Variants in COMMD10 observed in about 807,000 individuals in gnomAD.
COMMD10 encodes COMM domain containing 10, also known as COMM domain-containing protein 10.
In COMMD10, 33 loss-of-function variants were observed where a neutral mutation model predicts 28.9. The ratio of observed to expected loss-of-function variants is 1.14; its 90% CI spans 0.87 to 1.53. The LOEUF is 1.53. Ranked by LOEUF, COMMD10 falls within the 40% of genes most tolerant of loss-of-function variation. The probability of loss-of-function intolerance (pLI) is 0.00; values close to 1 mark genes in which losing one functional copy is unlikely to be tolerated. For missense variants in COMMD10, 310 were observed against 233.4 expected (o/e 1.33, Z -2.14); for synonymous variants, 110 against 81.7 (o/e 1.35, Z -1.87).
chr5:116,173,025 A>G (rs1254024675), intron 5 of COMMD10, among the ~76,000 whole-genome samples: 1 of 152,200 alleles, frequency 6.6e-6, no homozygotes, highest in Non-Finnish European at 1.5e-5. Flanking sequence ...TGAGATTCAT[A>G]ATAATGTAAA....
intron 5 of COMMD10, among the ~76,000 whole-genome samples, chr5:116,238,062 CA>C (rs1228316468): frequency 6.6e-6 from 1 of 152,014 alleles, no homozygotes; most frequent in Non-Finnish European, 1.5e-5. Flanking sequence ...TCATGTTGCA[CA>C]AAAAACAAGG....
intron 5 of COMMD10, among the ~76,000 whole-genome samples, chr5:116,287,814 C>G (rs1338918830): frequency 6.6e-6 from 1 of 151,678 alleles, no homozygotes; most frequent in Non-Finnish European, 1.5e-5. Flanking sequence ...TGATAACAAC[C>G]TAACTCTAAT....
At chr5:116,165,265 C>T (rs938080349) in intron 5 of COMMD10, among the ~76,000 whole-genome samples, 85 of 152,262 alleles carry the variant, frequency 5.6e-4, no homozygotes, top group African/African-American at 1.9e-3. Context: ...TAATCGAGTT[C>T]TCCTGGCTTT....
intron 4 of COMMD10, among the ~76,000 whole-genome samples, chr5:116,116,173 T>TA (rs1481844466): frequency 1.3e-5 from 2 of 152,170 alleles, no homozygotes; most frequent in East Asian, 1.9e-4. Flanking sequence ...CCTATAACAT[T>TA]AAAAAAATCC....
chr5:116,218,507 A>G (rs1028965984), intron 5 of COMMD10, among the ~76,000 whole-genome samples: 3 of 152,238 alleles, frequency 2.0e-5, no homozygotes, highest in East Asian at 1.9e-4. Flanking sequence ...TCCTCACACA[A>G]TTTCTAAGGA....
intron 5 of COMMD10, among the ~76,000 whole-genome samples, chr5:116,190,523 C>T (rs1286751682): frequency 1.3e-5 from 2 of 152,170 alleles, no homozygotes; most frequent in Non-Finnish European, 2.9e-5. Flanking sequence ...GTTTCAGTTC[C>T]ATAACCCATT....
In COMMD10 at chr5:116,225,353, G is replaced by GTTTTTTTTT. The variant is rs143964154; in HGVS notation, c.511-66164_511-66163insTTTTTTTTT. On this transcript the variant is annotated intron_variant, in intron 5 of 6. Coordinates refer to ENST00000274458, the MANE Select transcript of COMMD10 (RefSeq NM_016144.4). ...AGACTTTCCTGTTTGTTTTTTTGGG[G>GTTTTTTTTT]ATTTTTTTTTTTTTTTTTGCATATG... is the stretch of plus-strand genomic sequence containing the variant. Among the ~76,000 whole-genome samples, 4 of 116,512 alleles carry GTTTTTTTTT rather than the reference G, an allele frequency of 3.4e-5. 2 individuals are homozygous for GTTTTTTTTT. 76.4% of individuals were successfully genotyped at this position (116,512 alleles called of 152,430 possible). A position where few individuals can be genotyped will look rare whatever the true frequency, so the allele number is the denominator to read the frequency against.
intron 5 of COMMD10, among the ~76,000 whole-genome samples, chr5:116,269,754 G>A (rs150881089): frequency 1.3e-5 from 2 of 151,892 alleles, no homozygotes; most frequent in East Asian, 1.9e-4. Flanking sequence ...GGTTGCTGAG[G>A]TTGTAAGCCA....
intron 5 of COMMD10, among the ~76,000 whole-genome samples, chr5:116,214,278 A>T (rs1274321214): frequency 1.3e-5 from 2 of 150,894 alleles, no homozygotes; most frequent in Admixed American, 6.6e-5. Context: ...TAAAGTAGAC[A>T]GTAATTTCAC....
chr5:116,269,585 A>C (rs1478076103), intron 5 of COMMD10, among the ~76,000 whole-genome samples: 4 of 151,810 alleles, frequency 2.6e-5, no homozygotes, highest in African/African-American at 9.7e-5. Flanking sequence ...TATTACATTT[A>C]TAAAATTATA....
intron 4 of COMMD10, among the ~76,000 whole-genome samples, chr5:116,101,598 T>A (rs562401096): frequency 1.5e-4 from 23 of 152,116 alleles, no homozygotes; most frequent in Admixed American, 9.2e-4. Flanking sequence ...GGCTAATTTT[T>A]GTATTTTTAG....
chr5:116,244,615 G>A (rs1206455379), intron 5 of COMMD10, among the ~76,000 whole-genome samples: 2 of 137,782 alleles, frequency 1.5e-5, no homozygotes, highest in Non-Finnish European at 3.0e-5. Context: ...ATTTTAAGAT[G>A]CTACTATACC....
chr5:116,279,800 G>C (rs1043463684), intron 5 of COMMD10, among the ~76,000 whole-genome samples: 3 of 151,682 alleles, frequency 2.0e-5, no homozygotes, highest in African/African-American at 7.3e-5. Context: ...CATTTTTTCA[G>C]ACCATTTTTG....
At chr5:116,114,787 C>T (rs1751176614) in intron 4 of COMMD10, among the ~76,000 whole-genome samples, 1 of 152,166 alleles carries the variant, frequency 6.6e-6, no homozygotes, top group African/African-American at 2.4e-5. Context: ...GGGGCTTCCT[C>T]CCTTATCCCG....
chr5:116,237,276 T>C (rs1213309941), intron 5 of COMMD10, among the ~76,000 whole-genome samples: 1 of 152,158 alleles, frequency 6.6e-6, no homozygotes, highest in African/African-American at 2.4e-5. Flanking sequence ...GCTGCGTCAC[T>C]AGTCTAGACT....
At chr5:116,286,723 A>T (rs1331930786) in intron 5 of COMMD10, among the ~76,000 whole-genome samples, 1 of 151,784 alleles carries the variant, frequency 6.6e-6, no homozygotes. Flanking sequence ...ATCAGAAAAG[A>T]TACTTTGTAT....
In COMMD10 at chr5:116,212,522, G is replaced by GTGTGTGTGTGTA. The variant is rs71223098; in HGVS notation, c.510+78345_510+78346insGTGTGTGTGTAT. 7.6e-4 allele frequency among the ~76,000 whole-genome samples: 101 copies of GTGTGTGTGTGTA among 132,126 alleles called. 6 individuals carry two copies. The highest frequency in any genetic ancestry group is 1.9e-3 in the Admixed American group (23 of 12,360). The allele number at this position is 132,126 out of a possible 152,430, so 86.7% of individuals were successfully genotyped here. A position where few individuals can be genotyped will look rare whatever the true frequency, so the allele number is the denominator to read the frequency against. Reference sequence around the variant, plus strand: ...TGTGTGTGTGTGTGTGTGTGTGTGTGTAGAATGTGAGGGGGGTTGGATAGG... The same window carrying GTGTGTGTGTGTA: ...TGTGTGTGTGTGTGTGTGTGTGTGTGTGTGTGTGTGTATAGAATGTGAGGGGGGTTGGATAGG... On this transcript the variant is annotated intron_variant, in intron 5 of 6. Transcript: ENST00000274458.
intron 5 of COMMD10, among the ~76,000 whole-genome samples, chr5:116,185,867 C>T (rs1235939625): frequency 6.6e-6 from 1 of 152,098 alleles, no homozygotes; most frequent in African/African-American, 2.4e-5. Context: ...AATCACTTTA[C>T]TCTCATTTCA....
chr5:116,107,623 A>G (rs1291770098), intron 4 of COMMD10, among the ~76,000 whole-genome samples: 1 of 151,996 alleles, frequency 6.6e-6, no homozygotes, highest in East Asian at 1.9e-4. Context: ...TTGGGTTAGA[A>G]CATGCGCCTT....
Sources: allele counts gnomAD v4.1 joint callset (sites outside exome capture counted in the v4.1 genomes callset), GRCh38; gene constraint gnomAD v4.1.1; transcripts MANE v1.5; gene names NCBI Gene and HGNC (gene_info 2026-07-23, HGNC 2026-07-21).